Variants in DENND1A observed in about 807,000 individuals in gnomAD.
DENND1A encodes DENN domain-containing protein 1A.
A neutral mutation model predicts 113.7 loss-of-function variants in DENND1A; 51 were observed. That is an observed-to-expected ratio of 0.45 (90% CI 0.36 to 0.57). DENND1A has a LOEUF of 0.57. Ranked by LOEUF, DENND1A falls within the 20% of genes least tolerant of loss-of-function variation. DENND1A has a pLI of 0.00. For synonymous variants in DENND1A, 565 were observed against 570.8 expected, an observed-to-expected ratio of 0.99 and a Z score of 0.14; for missense variants, 1,258 against 1,395.9, an observed-to-expected ratio of 0.90 and a Z score of 1.57.
intron 12 of DENND1A, among the ~76,000 whole-genome samples, chr9:123,559,069 A>G (rs2057588639): frequency 6.6e-6 from 1 of 152,150 alleles, no homozygotes; most frequent in African/African-American, 2.4e-5. Flanking sequence ...CTAAGATCTG[A>G]AGGATGGGTG....
chr9:123,778,972 AAAT>A (rs1299982096), intron 3 of DENND1A, among the ~76,000 whole-genome samples: 1 of 152,230 alleles, frequency 6.6e-6, no homozygotes, highest in Non-Finnish European at 1.5e-5. Context: ...TTTAAAGTAT[AAAT>A]AATTAAAAAT....
chr9:123,800,866 T>C (rs1294975861), intron 2 of DENND1A, among the ~76,000 whole-genome samples: 1 of 152,126 alleles, frequency 6.6e-6, no homozygotes, highest in African/African-American at 2.4e-5. Flanking sequence ...GCTAAACAAA[T>C]AGAGTAAATA....
At chr9:123,755,143 G>T (rs1298999853) in intron 5 of DENND1A, among the ~76,000 whole-genome samples, 22 of 138,916 alleles carry the variant, frequency 1.6e-4, no homozygotes, top group African/African-American at 5.7e-4. Context: ...TTTTTTTTGA[G>T]ACAGAGTCTT....
At chr9:123,487,436 T>C (rs1442144712) in intron 13 of DENND1A, among the ~76,000 whole-genome samples, 1 of 152,190 alleles carries the variant, frequency 6.6e-6, no homozygotes, top group Admixed American at 6.5e-5. Flanking sequence ...TTGTGTCTTT[T>C]AGTTACGAGC....
chr9:123,868,235 C>T (rs952410885), intron 2 of DENND1A, among the ~76,000 whole-genome samples: 1 of 152,228 alleles, frequency 6.6e-6, no homozygotes, highest in African/African-American at 2.4e-5. Context: ...CATACTGAAG[C>T]ACTCAGGGCA....
chr9:123,669,204 A>T (rs533554677), intron 7 of DENND1A, among the ~76,000 whole-genome samples: 4 of 152,290 alleles, frequency 2.6e-5, no homozygotes, highest in African/African-American at 9.6e-5. Flanking sequence ...AGAGACAAAA[A>T]GTCCAGGATT....
At chr9:123,420,102 C>T (rs778630812) in intron 19 of DENND1A, among the ~76,000 whole-genome samples, 12 of 152,326 alleles carry the variant, frequency 7.9e-5, no homozygotes, top group South Asian at 4.1e-4. Context: ...AGGACTTCCA[C>T]GTCACGCTGA....
intron 21 of DENND1A, among the ~76,000 whole-genome samples, chr9:123,388,346 G>T (rs890633413): frequency 1.3e-5 from 2 of 152,078 alleles, no homozygotes; most frequent in African/African-American, 2.4e-5. Context: ...GACTGGAAAG[G>T]TTCATGGCTA....
intron 5 of DENND1A, among the ~76,000 whole-genome samples, chr9:123,737,335 A>G (rs755078380): frequency 1.3e-4 from 20 of 152,038 alleles, no homozygotes; most frequent in Non-Finnish European, 1.6e-4. Context: ...AGCTGGAACT[A>G]CAGGTGTGCA....
At chr9:123,724,404 G>C (rs2067549078) in intron 5 of DENND1A, among the ~76,000 whole-genome samples, 1 of 151,990 alleles carries the variant, frequency 6.6e-6, no homozygotes, top group South Asian at 2.1e-4. Flanking sequence ...CTCAATGTTG[G>C]CTCCAGGCCA....
intron 18 of DENND1A, among the ~76,000 whole-genome samples, chr9:123,447,634 G>T (rs1380674258): frequency 6.6e-6 from 1 of 152,160 alleles, no homozygotes; most frequent in Non-Finnish European, 1.5e-5. Context: ...AGGAGGCCAG[G>T]TGGCAACCCA....
chr9:123,446,697 G>A (rs924070460), intron 18 of DENND1A, among the ~76,000 whole-genome samples: 5 of 152,110 alleles, frequency 3.3e-5, no homozygotes, highest in East Asian at 1.9e-4. Flanking sequence ...CATGCCTGTC[G>A]TCCTAGCTAC....
intron 12 of DENND1A, among the ~76,000 whole-genome samples, chr9:123,565,140 T>TGCCACCAC (rs1327281332): frequency 1.3e-5 from 2 of 152,116 alleles, no homozygotes; most frequent in Non-Finnish European, 2.9e-5. Flanking sequence ...TACAGGCATG[T>TGCCACCAC]GCCACCACGC....
rs1275421308 is a variant in DENND1A, at chr9:123,868,631, G to A, written c.88+10320C>T. ...AAGTTTAGTAAATCAATGAATTCCC[G>A]GTCCACCATAGAAGGCCTGAGGCCT... On this transcript the variant is annotated intron_variant, in intron 2 of 23. Coordinates refer to ENST00000394215, the MANE Select transcript of DENND1A (RefSeq NM_001352964.2). Among the ~76,000 whole-genome samples, 8 of 152,026 alleles carry A rather than the reference G, an allele frequency of 5.3e-5. No homozygotes were observed. The South Asian group carries it at 8.3e-4, about 16-fold the overall frequency.
At chr9:123,678,204 C>T (rs2064215285) in intron 5 of DENND1A, among the ~76,000 whole-genome samples, 1 of 152,130 alleles carries the variant, frequency 6.6e-6, no homozygotes, top group Non-Finnish European at 1.5e-5. Context: ...GAGGAAGGGG[C>T]CTATCTTTCT....
chr9:123,894,825 A>G (rs929592916), intron 1 of DENND1A, among the ~76,000 whole-genome samples: 1 of 152,192 alleles, frequency 6.6e-6, no homozygotes, highest in African/African-American at 2.4e-5. Flanking sequence ...AAATATTCCA[A>G]ACATTTGGGA....
chr9:123,784,694 G>C (rs1318906365), intron 3 of DENND1A, among the ~76,000 whole-genome samples: 1 of 152,156 alleles, frequency 6.6e-6, no homozygotes, highest in Non-Finnish European at 1.5e-5. Flanking sequence ...TGTAAGTAAG[G>C]ATTGCATAAT....
At chr9:123,521,170 C>T (rs746752028) in intron 13 of DENND1A, among the ~76,000 whole-genome samples, 12 of 152,194 alleles carry the variant, frequency 7.9e-5, no homozygotes, top group South Asian at 2.1e-4. Flanking sequence ...GCCCATGCTA[C>T]GCTTCTGCCT....
intron 1 of DENND1A, among the ~76,000 whole-genome samples, chr9:123,923,517 G>A (rs1019073790): frequency 7.2e-5 from 11 of 152,176 alleles, no homozygotes; most frequent in Admixed American, 5.2e-4. Flanking sequence ...AGAGAGATAC[G>A]TTAGTTGTGC....
Sources: gnomAD v4.1 joint callset for allele counts (sites outside exome capture counted in the v4.1 genomes callset) on GRCh38, gnomAD v4.1.1 for gene constraint, MANE v1.5 for transcripts, NCBI Gene and HGNC (gene_info 2026-07-23, HGNC 2026-07-21) for gene names.